The following HPSE2 variants were observed in gnomAD, a reference collection of about 807,000 sequenced individuals.
The protein encoded by HPSE2 is inactive heparanase-2.
Under a neutral mutation model 60.5 loss-of-function variants are expected in HPSE2, and 38 were observed. That is an observed-to-expected ratio of 0.63 (90% CI 0.48 to 0.82). The LOEUF (loss-of-function observed/expected upper bound fraction) is 0.82. Ranked by LOEUF, HPSE2 falls within the 40% of genes least tolerant of loss-of-function variation. The pLI is 0.00. For missense variants in HPSE2, 713 were observed against 740.4 expected, an observed-to-expected ratio of 0.96 and a Z score of 0.43; for synonymous variants, 295 against 293.2, an observed-to-expected ratio of 1.01 and a Z score of -0.06.
At chr10:99,288,804 T>C in the HPSE2 span, among the ~76,000 whole-genome samples, 2 of 145,162 alleles carry the variant, frequency 1.4e-5, no homozygotes, top group African/African-American at 5.1e-5. Context: ...TTTGAGTGAA[T>C]TGAGGAAACA....
Position 98,849,776 on chromosome 10 carries a change from C to T in HPSE2, c.611-105720G>A, listed in dbSNP as rs112875516. 1.8e-3 allele frequency among the ~76,000 whole-genome samples: 268 copies of T among 152,168 alleles called. 1 individual carries two copies. Among genetic ancestry groups the T allele is most frequent in the Non-Finnish European group, 3.0e-3 (202 of 68,006 alleles). On this transcript the variant is annotated intron_variant, in intron 3 of 11. Transcript: ENST00000370552. ...GATTTTTTTTTTTGAGACGGAGTCTCGCTCTGTCGCCAGGCTGGAGTGCAG... is the reference window on the plus strand; with the variant it reads ...GATTTTTTTTTTTGAGACGGAGTCTTGCTCTGTCGCCAGGCTGGAGTGCAG...
At chr10:98,592,786 G>A (rs956558751) in intron 9 of HPSE2, among the ~76,000 whole-genome samples, 5 of 152,272 alleles carry the variant, frequency 3.3e-5, no homozygotes, top group East Asian at 1.9e-4. Context: ...TTTTATTTGA[G>A]TTGGTATGGA....
At chr10:99,041,089 A>G (rs1460713139) in intron 3 of HPSE2, among the ~76,000 whole-genome samples, 1 of 151,450 alleles carries the variant, frequency 6.6e-6, no homozygotes, top group African/African-American at 2.4e-5. Flanking sequence ...TCCATCTCAA[A>G]AAAAAAAAAA....
chr10:98,514,711 G>GTTTT (rs35977879), intron 9 of HPSE2, among the ~76,000 whole-genome samples: 1 of 67,726 alleles, frequency 1.5e-5, no homozygotes, highest in African/African-American at 5.3e-5. Context: ...TATATACTTT[G>GTTTT]TTTTTTTTTT....
intron 3 of HPSE2, among the ~76,000 whole-genome samples, chr10:99,029,063 T>C (rs1267948388): frequency 2.0e-5 from 3 of 152,210 alleles, no homozygotes; most frequent in African/African-American, 7.2e-5. Flanking sequence ...TCTAGCACAT[T>C]GGTCTGGGCA....
At chr10:98,690,384 C>T (rs973536136) in intron 6 of HPSE2, among the ~76,000 whole-genome samples, 6 of 151,974 alleles carry the variant, frequency 3.9e-5, no homozygotes, top group African/African-American at 1.4e-4. Flanking sequence ...AATAAACATG[C>T]AAAAAAATTA....
chr10:98,741,215 C>T (rs1949488241), intron 4 of HPSE2, among the ~76,000 whole-genome samples: 1 of 152,028 alleles, frequency 6.6e-6, no homozygotes. Context: ...ACATTATTGG[C>T]TATTTTTCAC....
At chr10:99,004,727 TTACTAG>T (rs1174650183) in intron 3 of HPSE2, among the ~76,000 whole-genome samples, 1 of 152,204 alleles carries the variant, frequency 6.6e-6, no homozygotes, top group East Asian at 1.9e-4. Context: ...GTACTTACTT[TTACTAG>T]TGAGTTTTAT....
intron 11 of HPSE2, among the ~76,000 whole-genome samples, chr10:98,467,190 T>C: frequency 6.6e-6 from 1 of 152,182 alleles, no homozygotes; most frequent in East Asian, 1.9e-4. Flanking sequence ...TCTCAGCTCC[T>C]GTCACACAGT....
At chr10:99,284,005 G>A in the HPSE2 span, among the ~76,000 whole-genome samples, 1 of 152,010 alleles carries the variant, frequency 6.6e-6, no homozygotes, top group South Asian at 2.1e-4. Context: ...AAAACTTAAA[G>A]GGAAGAAACA....
chr10:98,976,372 A>G (rs926980487), intron 3 of HPSE2, among the ~76,000 whole-genome samples: 2 of 152,170 alleles, frequency 1.3e-5, no homozygotes, highest in African/African-American at 2.4e-5. Context: ...TCCTCACAAC[A>G]AGTACAATTA....
At chr10:98,829,622 A>G (rs1951635492) in intron 3 of HPSE2, among the ~76,000 whole-genome samples, 1 of 152,178 alleles carries the variant, frequency 6.6e-6, no homozygotes, top group Admixed American at 6.5e-5. Context: ...AGTACACTTA[A>G]AATGATTAAA....
chr10:99,112,491 A>G lies in HPSE2; in HGVS notation c.610+31747T>C, dbSNP rs1589675122. On this transcript the variant is annotated intron_variant, in intron 3 of 11. Coordinates refer to ENST00000370552, the MANE Select transcript of HPSE2 (RefSeq NM_021828.5). The stretch of plus-strand genomic sequence containing the variant: ...TTTTTAGTAGAGACGGGGTTTCACC[A>G]TGTGAGCCAGGATGGTCTTGATCTC... Among the ~76,000 whole-genome samples, 2 of 151,942 alleles carry G rather than the reference A, an allele frequency of 1.3e-5. 1 individual carries two copies. Among genetic ancestry groups the G allele is most frequent in the Non-Finnish European group, 2.9e-5 (2 of 68,018 alleles).
chr10:98,968,293 CTTATTA>C (rs1370992230), intron 3 of HPSE2, among the ~76,000 whole-genome samples: 1 of 152,094 alleles, frequency 6.6e-6, no homozygotes, highest in Non-Finnish European at 1.5e-5. Context: ...GTTCAGGTTT[CTTATTA>C]TTAACATTTC....
intron 5 of HPSE2, among the ~76,000 whole-genome samples, chr10:98,720,974 A>G (rs1345574707): frequency 6.6e-6 from 1 of 152,128 alleles, no homozygotes; most frequent in East Asian, 1.9e-4. Context: ...CATTTTTGTT[A>G]TTGTTAGTTC....
the HPSE2 span, among the ~76,000 whole-genome samples, chr10:99,284,721 C>T: frequency 5.9e-5 from 9 of 151,950 alleles, no homozygotes; most frequent in African/African-American, 1.7e-4. Context: ...TTCAGGGGTA[C>T]GAATGTAGGT....
chr10:98,557,167 C>T (rs1044193974), intron 9 of HPSE2, among the ~76,000 whole-genome samples: 1 of 151,844 alleles, frequency 6.6e-6, no homozygotes, highest in African/African-American at 2.4e-5. Flanking sequence ...GAGCCGAGAT[C>T]GCACCACTGC....
At chr10:98,598,279 G>T (rs925434144) in intron 9 of HPSE2, among the ~76,000 whole-genome samples, 2 of 152,170 alleles carry the variant, frequency 1.3e-5, no homozygotes. Flanking sequence ...GTCCATAGAT[G>T]GGCTTGCTGC....
intron 3 of HPSE2, among the ~76,000 whole-genome samples, chr10:98,782,917 T>TTA (rs1458556043): frequency 0.02 from 831 of 40,744 alleles, 10 homozygotes; most frequent in African/African-American, 0.044. Flanking sequence ...TGTTTATTTT[T>TTA]TTTTTTTTAT....
Sources: gnomAD v4.1 joint callset for allele counts (sites outside exome capture counted in the v4.1 genomes callset) on GRCh38, gnomAD v4.1.1 for gene constraint, MANE v1.5 for transcripts, NCBI Gene and HGNC (gene_info 2026-07-23, HGNC 2026-07-21) for gene names.